CPE: variants seen among roughly 807,000 people sequenced by gnomAD.
The protein encoded by CPE is carboxypeptidase E.
CPE carries 17 observed loss-of-function variants against 53.5 expected under a neutral mutation model. The ratio of observed to expected loss-of-function variants is 0.32; its 90% CI spans 0.22 to 0.48. The LOEUF (loss-of-function observed/expected upper bound fraction) is 0.48, where lower values mean the gene tolerates loss of function less well. CPE is among the 20% of genes least tolerant of loss of function. The pLI, the probability that CPE is intolerant of heterozygous loss-of-function variation, is 0.99. For missense variants in CPE, 524 were observed against 614.7 expected, an observed-to-expected ratio of 0.85 and a Z score of 1.56; for synonymous variants, 226 against 228.8, an observed-to-expected ratio of 0.99 and a Z score of 0.11.
chr4:165,388,842 C>T (rs1730638556), intron 1 of CPE, among the ~76,000 whole-genome samples: 1 of 152,184 alleles, frequency 6.6e-6, no homozygotes, highest in Non-Finnish European at 1.5e-5. Context: ...TTTCATTTGT[C>T]TCAGATCTTG....
intron 1 of CPE, chr4:165,404,307 C>T (rs1730919199): frequency 2.6e-6 from 2 of 771,542 alleles, no homozygotes. Context: ...GTGACTGCCT[C>T]ATTCACAAAT....
intron 1 of CPE, among the ~76,000 whole-genome samples, chr4:165,447,391 C>T (rs935437603): frequency 2.6e-5 from 4 of 151,934 alleles, no homozygotes; most frequent in South Asian, 2.1e-4. Flanking sequence ...GCCAACATGG[C>T]GAAACCCCGT....
At chr4:165,424,879 C>CTTTT (rs777344411) in intron 1 of CPE, among the ~76,000 whole-genome samples, 5 of 137,740 alleles carry the variant, frequency 3.6e-5, no homozygotes, top group Admixed American at 7.3e-5. Flanking sequence ...AAAGTAGAAA[C>CTTTT]TTTTTTTTTT....
chr4:165,451,275 C>T (rs1384342971), intron 1 of CPE, among the ~76,000 whole-genome samples: 1 of 152,018 alleles, frequency 6.6e-6, no homozygotes, highest in African/African-American at 2.4e-5. Context: ...TTGAATGATC[C>T]CAGGGACGCC....
intron 1 of CPE, among the ~76,000 whole-genome samples, chr4:165,398,049 T>G (rs1730799295): frequency 8.0e-6 from 1 of 125,014 alleles, no homozygotes; most frequent in African/African-American, 3.5e-5. Flanking sequence ...AGTCCTCATT[T>G]CTAAAAAAAA....
intron 1 of CPE, among the ~76,000 whole-genome samples, chr4:165,425,659 CAA>C (rs35754302): frequency 1.8e-4 from 26 of 146,510 alleles, no homozygotes; most frequent in East Asian, 4.0e-4. Context: ...AATATTTCCT[CAA>C]AAAAAAAAAA....
At chr4:165,415,418 C>G (rs1325503815) in intron 1 of CPE, among the ~76,000 whole-genome samples, 2 of 152,252 alleles carry the variant, frequency 1.3e-5, no homozygotes, top group East Asian at 1.9e-4. Flanking sequence ...TCCTCCTGCT[C>G]AGAGGAGCTG....
At chr4:165,493,442 T>G (rs1045215040) in intron 7 of CPE, among the ~76,000 whole-genome samples, 172 bp downstream of exon 7, 5 of 152,026 alleles carry the variant, frequency 3.3e-5, no homozygotes, top group Non-Finnish European at 2.9e-5. Flanking sequence ...TCAGGCGGAG[T>G]GAGTGGAGCC....
chr4:165,454,304 T>C (rs1731863968), intron 1 of CPE, among the ~76,000 whole-genome samples: 1 of 152,194 alleles, frequency 6.6e-6, no homozygotes, highest in African/African-American at 2.4e-5. Context: ...CTGCGTGGCC[T>C]ACTCCTTCCG....
chr4:165,431,239 CT>C (rs1486727426), intron 1 of CPE, among the ~76,000 whole-genome samples: 1 of 152,250 alleles, frequency 6.6e-6, no homozygotes, highest in East Asian at 1.9e-4. Context: ...CCGTTTTCCA[CT>C]GTCCACACGT....
At chr4:165,398,051 TAAAAAAAAAAAAAA>T (rs397955897) in intron 1 of CPE, among the ~76,000 whole-genome samples, 1 of 92,248 alleles carries the variant, frequency 1.1e-5, no homozygotes, top group Admixed American at 1.2e-4. Flanking sequence ...TCCTCATTTC[TAAAAAAAAAAAAAA>T]AAAAAACAAA....
At chr4:165,492,580 A>C (rs1732626137) in intron 6 of CPE, among the ~76,000 whole-genome samples, 1 of 152,270 alleles carries the variant, frequency 6.6e-6, no homozygotes. Context: ...TGTCCTTCTT[A>C]AGGGCTTACA....
intron 6 of CPE, among the ~76,000 whole-genome samples, chr4:165,489,741 A>G (rs1022185946): frequency 6.6e-6 from 1 of 152,244 alleles, no homozygotes; most frequent in Non-Finnish European, 1.5e-5. Context: ...ATCAGGAAAA[A>G]GGAGATTTGT....
intron 1 of CPE, among the ~76,000 whole-genome samples, chr4:165,420,744 T>C (rs950635841): frequency 6.6e-6 from 1 of 152,176 alleles, no homozygotes; most frequent in East Asian, 1.9e-4. Flanking sequence ...TGTGCTCATA[T>C]GCATAGTCAA....
At chr4:165,439,324 T>G (rs1018201254) in intron 1 of CPE, among the ~76,000 whole-genome samples, 4 of 152,044 alleles carry the variant, frequency 2.6e-5, no homozygotes, top group Non-Finnish European at 2.9e-5. Context: ...AAAGATCACG[T>G]GAAAGAGAAA....
At chr4:165,413,758 C>T (rs1262481620) in intron 1 of CPE, among the ~76,000 whole-genome samples, 1 of 152,292 alleles carries the variant, frequency 6.6e-6, no homozygotes, top group African/African-American at 2.4e-5. Context: ...CAAGAGGTCA[C>T]AGAAGATGTC....
intron 1 of CPE, among the ~76,000 whole-genome samples, chr4:165,453,260 T>G (rs1560886937): frequency 6.6e-6 from 1 of 151,578 alleles, no homozygotes; most frequent in Non-Finnish European, 1.5e-5. Flanking sequence ...CCTGGCCAAT[T>G]TTCTTATTTT....
At chr4:165,487,659 G>A in intron 6 of CPE, 82 bp downstream of exon 6, 1 of 1,478,224 alleles carries the variant, frequency 6.8e-7, no homozygotes, top group Non-Finnish European at 9.3e-7. Context: ...GAGGAGTCCA[G>A]GAGAATCCGT....
intron 1 of CPE, among the ~76,000 whole-genome samples, chr4:165,408,667 AC>A (rs1730990169): frequency 6.6e-6 from 1 of 152,086 alleles, no homozygotes; most frequent in South Asian, 2.1e-4. Context: ...CTGGGGTCCC[AC>A]CCCCAGAGTT....
Sources: allele counts gnomAD v4.1 joint callset (sites outside exome capture counted in the v4.1 genomes callset), GRCh38; gene constraint gnomAD v4.1.1; transcripts MANE v1.5; gene names NCBI Gene and HGNC (gene_info 2026-07-23, HGNC 2026-07-21).